The following PTGER3 variants were observed in gnomAD, a reference collection of about 807,000 sequenced individuals.
The protein encoded by PTGER3 is prostaglandin E receptor 3.
In PTGER3, 22 loss-of-function variants were observed where a neutral mutation model predicts 34.7. The ratio of observed to expected loss-of-function variants is 0.63; its 90% confidence interval spans 0.45 to 0.91. The LOEUF (loss-of-function observed/expected upper bound fraction) is 0.91, where lower values mean the gene tolerates loss of function less well. Among genes scored for constraint, PTGER3 ranks in the 40% least tolerant of loss-of-function variants. PTGER3 has a pLI of 0.00. For missense variants in PTGER3, 468 were observed against 519.4 expected (o/e 0.90, Z 0.96); for synonymous variants, 241 against 230.1 (o/e 1.05, Z -0.43).
intron 2 of PTGER3, chr1:71,006,320 A>G (rs1262914174): frequency 1.0e-6 from 1 of 985,420 alleles, no homozygotes; most frequent in Non-Finnish European, 1.2e-6. Context: ...TTTGCAGTCT[A>G]CATTTGACAG....
At position 70,941,518 on chromosome 1, in the gene PTGER3, T is replaced by C. The variant is rs181004266; in HGVS notation, c.*23+12245A>G. ...TCAGCCCCTGAAAATATGTCTTATG[T>C]GTATGACTTACTGGCACCTCTGCTT... On this transcript the variant is annotated intron_variant, in intron 4 of 4. Transcript: ENST00000370931. 6.6e-3 allele frequency among the ~76,000 whole-genome samples: 1,011 copies of C among 152,304 alleles called. 10 individuals carry two copies. Among genetic ancestry groups the C allele is most frequent in the Non-Finnish European group, 0.01 (708 of 68,016 alleles).
At chr1:71,010,821 A>G (rs1657374935) in intron 2 of PTGER3, 1 of 985,012 alleles carries the variant, frequency 1.0e-6, no homozygotes, top group Non-Finnish European at 1.2e-6. Flanking sequence ...GCCCCAATTG[A>G]CATAGGCTGG....
At chr1:71,014,903 C>A (rs1195937850) in intron 1 of PTGER3, among the ~76,000 whole-genome samples, 1 of 152,194 alleles carries the variant, frequency 6.6e-6, no homozygotes, top group Non-Finnish European at 1.5e-5. Flanking sequence ...ACTAGAAAAT[C>A]ATCAATGTCT....
intron 4 of PTGER3, among the ~76,000 whole-genome samples, chr1:70,858,888 A>C (rs1190016888): frequency 2.6e-5 from 4 of 152,246 alleles, no homozygotes; most frequent in African/African-American, 4.8e-5. Flanking sequence ...TATAGAAATA[A>C]TTAGTGTTCA....
At chr1:70,881,524 C>T (rs547211389) in intron 4 of PTGER3, among the ~76,000 whole-genome samples, 1 of 152,228 alleles carries the variant, frequency 6.6e-6, no homozygotes, top group African/African-American at 2.4e-5. Context: ...AGAGTTCCTG[C>T]ACTGTTTTTG....
At chr1:70,975,881 A>G (rs1358147829) in intron 2 of PTGER3, among the ~76,000 whole-genome samples, 1 of 152,128 alleles carries the variant, frequency 6.6e-6, no homozygotes, top group Admixed American at 6.6e-5. Flanking sequence ...TTGTACTCCT[A>G]TGTGAGAAGA....
downstream of PTGER3, chr1:70,950,941 C>T (rs1023304183): frequency 1.3e-5 from 2 of 152,078 alleles, no homozygotes; most frequent in African/African-American, 4.8e-5. Flanking sequence ...GCCTAAAACC[C>T]CTGATCTCAA....
At chr1:70,946,759 C>T (rs1650262886) in intron 4 of PTGER3, among the ~76,000 whole-genome samples, 1 of 152,132 alleles carries the variant, frequency 6.6e-6, no homozygotes, top group Non-Finnish European at 1.5e-5. Flanking sequence ...ACTTCTATTT[C>T]CAATTGGACT....
At chr1:70,961,695 C>T (rs926447253) in intron 2 of PTGER3, among the ~76,000 whole-genome samples, 26 of 152,326 alleles carry the variant, frequency 1.7e-4, no homozygotes, top group Admixed American at 4.6e-4. Context: ...TTATGCTCTA[C>T]AAGTTTTATT....
In PTGER3 at chr1:71,016,362, T is replaced by A. The variant is rs1325512896; in HGVS notation, c.898-3878A>T. On this transcript the variant is annotated intron_variant, in intron 1 of 3. Coordinates refer to ENST00000306666, the MANE Select transcript of PTGER3 (RefSeq NM_198719.2). ...ATAATTCACAAATAGTATATATAAG[T>A]ATTAAGTGAAAAAACAGAATATAAG... is the stretch of plus-strand genomic sequence containing the variant. Among the ~76,000 whole-genome samples the A allele has an allele frequency of 3.3e-5, 5 of 152,146 alleles. No individual in the cohort carries two copies. In the East Asian group the frequency reaches 9.6e-4, roughly 29 times the overall value.
At chr1:70,906,463 A>T (rs781643302) in intron 4 of PTGER3, among the ~76,000 whole-genome samples, 2 of 152,162 alleles carry the variant, frequency 1.3e-5, no homozygotes, top group Non-Finnish European at 2.9e-5. Context: ...CATTATTTTT[A>T]AAAAGCATCC....
chr1:70,938,049 C>T (rs1053961649), intron 4 of PTGER3, among the ~76,000 whole-genome samples: 11 of 152,008 alleles, frequency 7.2e-5, no homozygotes, highest in Non-Finnish European at 1.5e-4. Context: ...TAAAAGATGT[C>T]TATTTTGAAA....
intron 2 of PTGER3, among the ~76,000 whole-genome samples, chr1:70,977,963 T>G (rs1653874235): frequency 6.6e-6 from 1 of 152,146 alleles, no homozygotes; most frequent in African/African-American, 2.4e-5. Flanking sequence ...TGTCAGAAAC[T>G]GTTCAAACAC....
chr1:71,006,457 A>G, intron 2 of PTGER3: 14 of 985,458 alleles, frequency 1.4e-5, no homozygotes, highest in African/African-American at 1.7e-5. Flanking sequence ...GCACAAGTCA[A>G]TTAAAGGGTT....
intron 1 of PTGER3, among the ~76,000 whole-genome samples, chr1:71,024,736 G>A (rs1211029739): frequency 2.1e-5 from 3 of 140,252 alleles, no homozygotes; most frequent in African/African-American, 5.4e-5. Flanking sequence ...TGTATTTTTA[G>A]TAGAGATGGG....
intron 1 of PTGER3, among the ~76,000 whole-genome samples, chr1:71,036,002 C>A (rs1446488015): frequency 6.6e-6 from 1 of 152,190 alleles, no homozygotes; most frequent in Non-Finnish European, 1.5e-5. Context: ...ATAAAGTGCT[C>A]GTTTTTGATG....
rs576687740 is a variant in PTGER3, at chr1:70,889,638, A to G, written c.*24-36779T>C. Among the ~76,000 whole-genome samples, 3 of 152,288 alleles carry G rather than the reference A, an allele frequency of 2.0e-5. No individual in the cohort carries two copies. In the East Asian group the frequency reaches 5.8e-4, roughly 29 times the overall value. On this transcript the variant is annotated intron_variant, in intron 4 of 4. Transcript: ENST00000370931. ...TAAGAATCATGATGACAATTGGACA[A>G]TACATCAATGTTCAGATTAGGTTTC...
chr1:70,920,462 T>C (rs963418945), intron 4 of PTGER3, among the ~76,000 whole-genome samples: 14 of 152,200 alleles, frequency 9.2e-5, no homozygotes, highest in African/African-American at 3.4e-4. Context: ...TTCACTTTTT[T>C]AGGGTTCTGC....
chr1:70,890,432 G>A (rs1259574632), intron 4 of PTGER3, among the ~76,000 whole-genome samples: 1 of 151,940 alleles, frequency 6.6e-6, no homozygotes, highest in Non-Finnish European at 1.5e-5. Flanking sequence ...AACTGGTGGA[G>A]GATGATAGAA....
Sources: gnomAD v4.1 joint callset for allele counts (sites outside exome capture counted in the v4.1 genomes callset) on GRCh38, gnomAD v4.1.1 for gene constraint, MANE v1.5 for transcripts, NCBI Gene and HGNC (gene_info 2026-07-23, HGNC 2026-07-21) for gene names.